Variants in OLA1 observed in about 807,000 individuals in gnomAD.
The protein encoded by OLA1 is Obg like ATPase 1.
A neutral mutation model predicts 48.4 loss-of-function variants in OLA1; 14 were observed. That is an observed-to-expected ratio of 0.29 (90% CI 0.19 to 0.45). The LOEUF (loss-of-function observed/expected upper bound fraction) is 0.45. OLA1 is among the 20% of genes least tolerant of loss of function. The pLI, the probability that OLA1 is intolerant of heterozygous loss-of-function variation, is 1.00. For missense variants in OLA1, 325 were observed against 467.1 expected, an observed-to-expected ratio of 0.70 and a Z score of 2.80; for synonymous variants, 127 against 150.4, an observed-to-expected ratio of 0.84 and a Z score of 1.14.
intron 4 of OLA1, among the ~76,000 whole-genome samples, chr2:174,157,436 T>C (rs1443637821): frequency 1.3e-5 from 2 of 152,222 alleles, no homozygotes; most frequent in African/African-American, 4.8e-5. Context: ...ACTGGTGTTA[T>C]GTAGATGCCA....
At chr2:174,222,259 A>C (rs964849478) in intron 4 of OLA1, among the ~76,000 whole-genome samples, 1 of 152,190 alleles carries the variant, frequency 6.6e-6, no homozygotes, top group African/African-American at 2.4e-5. Context: ...TGACCAAAAA[A>C]TTAGTCAAAT....
intron 4 of OLA1, among the ~76,000 whole-genome samples, chr2:174,188,952 C>T (rs574382477): frequency 1.9e-4 from 29 of 152,124 alleles, no homozygotes; most frequent in Non-Finnish European, 3.4e-4. Context: ...GAGATATTCA[C>T]CTTATATTAC....
intron 4 of OLA1, among the ~76,000 whole-genome samples, chr2:174,195,906 G>A (rs913932447): frequency 4.6e-5 from 7 of 152,072 alleles, no homozygotes; most frequent in African/African-American, 1.7e-4. Flanking sequence ...CCCGAAACAT[G>A]TTCAGTGAAA....
intron 4 of OLA1, among the ~76,000 whole-genome samples, chr2:174,209,730 A>C (rs889373336): frequency 2.0e-5 from 3 of 152,238 alleles, no homozygotes; most frequent in African/African-American, 7.2e-5. Context: ...TGGCCTAATA[A>C]GACTGTAAAG....
chr2:174,212,681 A>C (rs1314859169), intron 4 of OLA1, among the ~76,000 whole-genome samples: 1 of 152,048 alleles, frequency 6.6e-6, no homozygotes, highest in Non-Finnish European at 1.5e-5. Context: ...GCTTTTTTCC[A>C]TTTTTTAAAT....
chr2:174,134,564 T>C (rs1249817877), intron 5 of OLA1, among the ~76,000 whole-genome samples: 1 of 152,226 alleles, frequency 6.6e-6, no homozygotes, highest in African/African-American at 2.4e-5. Flanking sequence ...CTGAACTCTA[T>C]ACATTAAAAC....
intron 7 of OLA1, among the ~76,000 whole-genome samples, 171 bp downstream of exon 7, chr2:174,123,009 A>C (rs1685951891): frequency 6.6e-6 from 1 of 152,144 alleles, no homozygotes; most frequent in Non-Finnish European, 1.5e-5. Flanking sequence ...CAATTAGAAG[A>C]CTCATCTGTG....
intron 5 of OLA1, among the ~76,000 whole-genome samples, chr2:174,138,857 T>C (rs1686372837): frequency 1.3e-5 from 2 of 152,252 alleles, no homozygotes; most frequent in Non-Finnish European, 1.5e-5. Flanking sequence ...ATTAATTTTT[T>C]ACTCAGATGT....
chr2:174,152,853 A>G (rs1050811406), intron 4 of OLA1, among the ~76,000 whole-genome samples: 8 of 152,216 alleles, frequency 5.3e-5, no homozygotes, highest in Non-Finnish European at 2.9e-5. Context: ...TAGATATAAC[A>G]AAGGCCATAA....
intron 7 of OLA1, among the ~76,000 whole-genome samples, chr2:174,089,744 A>T (rs574720040): frequency 8.6e-5 from 13 of 151,940 alleles, no homozygotes; most frequent in African/African-American, 3.1e-4. Context: ...TCTACAAAAA[A>T]TACAAAAATT....
rs111979642 is a variant in OLA1, at chr2:174,212,440, C to T, written c.373+10593G>A. ...TTGAGTGGTGAGTGAATGTGAATGA[C>T]TGGAACATTGACATAGACAAGTGTA... On this transcript the variant is annotated intron_variant, in intron 4 of 10. Transcript: ENST00000284719. Among the ~76,000 whole-genome samples the T allele has an allele frequency of 4.3e-3, 652 of 152,314 alleles. 2 individuals are homozygous for T. The highest frequency in any genetic ancestry group is 0.015 in the African/African-American group (620 of 41,572).
chr2:174,229,771 C>A (rs1688688691), intron 2 of OLA1, among the ~76,000 whole-genome samples: 1 of 152,122 alleles, frequency 6.6e-6, no homozygotes, highest in Non-Finnish European at 1.5e-5. Flanking sequence ...CCATAATATA[C>A]CTGATCGTAC....
chr2:174,168,753 ATATCTATCTATCTATCTATCTATC>A (rs71021675), intron 4 of OLA1, among the ~76,000 whole-genome samples: 14,934 of 145,998 alleles, frequency 0.1, 1,094 homozygotes, highest in African/African-American at 0.2. Context: ...CACAATATGT[ATATCTATCTATCTATCTATCTATC>A]TATCTATCTA....
chr2:174,210,230 C>T (rs1688211275), intron 4 of OLA1, among the ~76,000 whole-genome samples: 1 of 152,106 alleles, frequency 6.6e-6, no homozygotes, highest in African/African-American at 2.4e-5. Context: ...TACTGTACAA[C>T]ATACATGTGC....
Position 174,222,577 on chromosome 2 carries a change from G to A in OLA1, c.373+456C>T, listed in dbSNP as rs540970803. On this transcript the variant is annotated intron_variant, in intron 4 of 10. Coordinates refer to ENST00000284719, the MANE Select transcript of OLA1 (RefSeq NM_013341.5). ...TATATTCCTCTCTCCATAAGGACTAGCTGATCTATAGTTTCTCTTTAATCC... is the reference window on the plus strand; with the variant it reads ...TATATTCCTCTCTCCATAAGGACTAACTGATCTATAGTTTCTCTTTAATCC... Among the ~76,000 whole-genome samples, 15 of 152,236 alleles carry A rather than the reference G, an allele frequency of 9.9e-5. No homozygotes were observed. In the South Asian group the frequency reaches 2.9e-3, roughly 29 times the overall value.
chr2:174,150,435 C>T (rs893787154), intron 4 of OLA1, among the ~76,000 whole-genome samples: 1 of 152,220 alleles, frequency 6.6e-6, no homozygotes, highest in African/African-American at 2.4e-5. Flanking sequence ...TTATAAATTA[C>T]TCAGTCTCAG....
intron 7 of OLA1, among the ~76,000 whole-genome samples, chr2:174,095,627 T>G (rs1336754923): frequency 6.6e-6 from 1 of 152,114 alleles, no homozygotes; most frequent in East Asian, 1.9e-4. Context: ...AAATGGTGCT[T>G]AGACAACTGG....
intron 4 of OLA1, among the ~76,000 whole-genome samples, chr2:174,215,828 G>A (rs1688350072): frequency 1.3e-5 from 2 of 152,174 alleles, no homozygotes; most frequent in Admixed American, 1.3e-4. Context: ...ACCTCCGGTT[G>A]CTATTGGGAT....
At chr2:174,171,090 C>T (rs976010602) in intron 4 of OLA1, among the ~76,000 whole-genome samples, 7 of 152,102 alleles carry the variant, frequency 4.6e-5, no homozygotes, top group African/African-American at 1.4e-4. Flanking sequence ...ATAATATACA[C>T]ATAATGTGTA....
Sources: allele counts gnomAD v4.1 joint callset (sites outside exome capture counted in the v4.1 genomes callset), GRCh38; gene constraint gnomAD v4.1.1; transcripts MANE v1.5; gene names NCBI Gene and HGNC (gene_info 2026-07-23, HGNC 2026-07-21).